Variants in IARS1 observed in about 807,000 individuals in gnomAD.
The protein encoded by IARS1 is isoleucyl-tRNA synthetase 1.
Under a neutral mutation model 168.2 loss-of-function variants are expected in IARS1, and 124 were observed. The ratio of observed to expected loss-of-function variants is 0.74; its 90% CI spans 0.64 to 0.86. The LOEUF is 0.86. Among genes scored for constraint, IARS1 ranks in the 40% least tolerant of loss-of-function variants. IARS1 has a pLI of 0.00. For synonymous variants in IARS1, 532 were observed against 529.4 expected (o/e 1.00, Z -0.07); for missense variants, 1,452 against 1,515.8 (o/e 0.96, Z 0.70).
chr9:92,240,831 C>T (rs1193284016), intron 30 of IARS1, 25 bp downstream of exon 30: 1 of 1,465,898 alleles, frequency 6.8e-7, no homozygotes, highest in Admixed American at 1.7e-5. Flanking sequence ...AAAAAAGTCA[C>T]ACAAATCATG....
intron 5 of IARS1, 64 bp downstream of exon 5, chr9:92,286,472 T>G (rs1310054776): frequency 3.9e-5 from 33 of 845,184 alleles, no homozygotes; most frequent in Non-Finnish European, 6.0e-5. Flanking sequence ...GCTAGTGCAT[T>G]TTTCCAATTA....
intron 6 of IARS1, 31 bp downstream of exon 6, chr9:92,285,689 CAA>C (rs1554730778): frequency 1.5e-6 from 2 of 1,354,762 alleles, no homozygotes; most frequent in African/African-American, 2.9e-5. Context: ...CTACAAAACT[CAA>C]TGCTGAATAA....
At chr9:92,239,504 T>C (rs907428422) in intron 30 of IARS1, among the ~76,000 whole-genome samples, 3 of 152,200 alleles carry the variant, frequency 2.0e-5, no homozygotes, top group Admixed American at 1.3e-4. Context: ...TTGATTATGA[T>C]ATATGTAGAT....
intron 31 of IARS1, among the ~76,000 whole-genome samples, chr9:92,228,400 G>C (rs1429667505): frequency 3.9e-5 from 6 of 151,924 alleles, no homozygotes; most frequent in Non-Finnish European, 7.4e-5. Context: ...GTGAGATCCA[G>C]GCATTGTGTT....
chr9:92,264,372 G>C (rs1482975556), intron 16 of IARS1, among the ~76,000 whole-genome samples: 1 of 150,830 alleles, frequency 6.6e-6, no homozygotes, highest in African/African-American at 2.4e-5. Context: ...GCCTGGGCCA[G>C]CAAAGCCAAT....
Position 92,210,748 on chromosome 9 carries a change from T to A in IARS1, c.*59A>T. On this transcript the variant is annotated 3_prime_UTR_variant, in exon 34 of 34. Transcript: ENST00000443024. ...TCATGTGTGTGTCTATGTGCATGTA[T>A]GTGTAGGGGATAGGTGTAATTAGGG... is the stretch of plus-strand genomic sequence containing the variant. 1.1e-6 allele frequency: 1 copy of A among 934,352 alleles called. No homozygotes were observed. The highest frequency in any genetic ancestry group is 1.8e-6 in the Non-Finnish European group (1 of 560,790). 57.9% of individuals were successfully genotyped at this position (934,352 alleles called of 1,614,324 possible).
intron 10 of IARS1, among the ~76,000 whole-genome samples, chr9:92,273,686 A>C (rs1161964954): frequency 6.6e-6 from 1 of 152,254 alleles, no homozygotes; most frequent in Non-Finnish European, 1.5e-5. Flanking sequence ...CGTACCCTCT[A>C]CATCTATAAA....
At position 92,259,000 on chromosome 9, in the gene IARS1, T is replaced by C. The variant is rs1401112900; in HGVS notation, c.1872-2A>G. ...ACAGGGGAGTTAATCAGATATAATC[T>C]GGAAGAGGGAGAAAAATTAGACAGA... On this transcript the variant is annotated splice_acceptor_variant, in intron 18 of 33. Coordinates refer to ENST00000443024, the MANE Select transcript of IARS1 (RefSeq NM_002161.6). LOFTEE classifies it high-confidence loss of function. The C allele has an allele frequency of 6.3e-7, 1 of 1,592,940 alleles. No individual in the cohort carries two copies. Among genetic ancestry groups the C allele is most frequent in the Admixed American group, 1.9e-5 (1 of 53,940 alleles).
In IARS1 at chr9:92,289,374, CT is replaced by C. The variant is rs1213054300; in HGVS notation, c.45del (p.Glu16ArgfsTer17). The C allele has an allele frequency of 1.3e-6, 2 of 1,595,452 alleles. No homozygotes were observed. The highest frequency in any genetic ancestry group is 2.7e-5 in the African/African-American group (2 of 74,602). On this transcript the variant is annotated frameshift_variant, in exon 2 of 34. Coordinates refer to ENST00000443024, the MANE Select transcript of IARS1 (RefSeq NM_002161.6). LOFTEE classifies it high-confidence loss of function. ...TCAGTCCAAAACTCCAAGATTTTCT[CT>C]TCTTCAGCAGGAAAATTTATGTTTT... Reference protein sequence around the residue: ...VPENINFPAEEEKILEFWTEF... With the variant: ...VPENINFPAEXEKILEFWTEF...
intron 6 of IARS1, among the ~76,000 whole-genome samples, chr9:92,284,219 T>C (rs911309350): frequency 1.3e-5 from 2 of 152,052 alleles, no homozygotes; most frequent in Non-Finnish European, 2.9e-5. Context: ...TGATGACTTT[T>C]TAAGGTGTGA....
intron 29 of IARS1, 50 bp from the exon 30 acceptor site, chr9:92,241,011 T>A: frequency 9.9e-7 from 1 of 1,007,532 alleles, no homozygotes; most frequent in Non-Finnish European, 1.6e-6. Context: ...CTGACTGCAA[T>A]GTGCCACACC....
At chr9:92,270,147 A>G (rs1156283938) in intron 12 of IARS1, among the ~76,000 whole-genome samples, 164 bp from the exon 13 acceptor site, 1 of 152,262 alleles carries the variant, frequency 6.6e-6, no homozygotes, top group Non-Finnish European at 1.5e-5. Flanking sequence ...AAAATTGGTC[A>G]TATCTTTCCA....
chr9:92,247,601 T>C (rs1829409368), intron 25 of IARS1, 50 bp from the exon 26 acceptor site: 1 of 1,544,008 alleles, frequency 6.5e-7, no homozygotes. Flanking sequence ...AAAACATATG[T>C]TCACACAAAA....
At position 92,249,808 on chromosome 9, in the gene IARS1, T is replaced by A. The variant is rs754567807; in HGVS notation, c.2616+50A>T. ...GTACTTTGAGGATTATTCATCAAAA[T>A]AATGTTCTAAGTCTATCTGTACCAA... is the stretch of plus-strand genomic sequence containing the variant. On this transcript the variant is annotated intron_variant, in intron 25 of 33. Coordinates refer to ENST00000443024, the MANE Select transcript of IARS1 (RefSeq NM_002161.6). The A allele has an allele frequency of 6.6e-6, 6 of 909,298 alleles. No homozygotes were observed. In the East Asian group the frequency reaches 1.5e-4, roughly 22 times the overall value. 56.3% of individuals were successfully genotyped at this position (909,298 alleles called of 1,614,324 possible).
chr9:92,274,336 T>C (rs1833497572), intron 10 of IARS1, 90 bp downstream of exon 10: 1 of 966,160 alleles, frequency 1.0e-6, no homozygotes, highest in Non-Finnish European at 1.6e-6. Context: ...GCCAACCTGG[T>C]AACCCAACAT....
intron 30 of IARS1, among the ~76,000 whole-genome samples, chr9:92,235,446 A>C (rs1827339396): frequency 6.6e-6 from 1 of 151,828 alleles, no homozygotes; most frequent in Non-Finnish European, 1.5e-5. Flanking sequence ...ATTTGATCAA[A>C]TGCTTTTTAT....
At chr9:92,274,304 C>T (rs1323582420) in intron 10 of IARS1, 122 bp downstream of exon 10, 1 of 682,230 alleles carries the variant, frequency 1.5e-6, no homozygotes, top group Non-Finnish European at 2.6e-6. Context: ...AGCCATCTTG[C>T]AGGCAGTGAG....
rs1445876578 is a variant in IARS1, at chr9:92,265,034, C to T, written c.1595G>A (p.Ser532Asn). The T allele has an allele frequency of 6.2e-7, 1 of 1,614,020 alleles. No homozygotes were observed. Among genetic ancestry groups the T allele is most frequent in the Non-Finnish European group, 8.5e-7 (1 of 1,180,012 alleles). Residue 532 changes from serine (S) to asparagine (N), a missense_variant, in exon 16 of 34, where the codon AGC (serine) becomes AAC (asparagine). Transcript: ENST00000443024. ...GTAATGAACCTGAGCATAGGGCATG[C>T]TGCCACTCTCAAACCAACAGTCAAA... ...EVFDCWFESG[S>N]MPYAQVHYPF...
chr9:92,289,206 C>CA (rs11438082), intron 2 of IARS1, 95 bp downstream of exon 2: 83,787 of 323,782 alleles, frequency 0.26, 9,062 homozygotes, highest in African/African-American at 0.63. Context: ...GACTCCATCT[C>CA]AAAAAAAAAA....
Sources: gnomAD v4.1 joint callset for allele counts (sites outside exome capture counted in the v4.1 genomes callset) on GRCh38, gnomAD v4.1.1 for gene constraint, MANE v1.5 for transcripts, NCBI Gene and HGNC (gene_info 2026-07-23, HGNC 2026-07-21) for gene names.